Variants in GINS1 observed in about 807,000 individuals in gnomAD.
The protein encoded by GINS1 is GINS complex subunit 1.
Under a neutral mutation model 34.9 loss-of-function variants are expected in GINS1, and 26 were observed. The observed-to-expected ratio is 0.74, with a 90% CI of 0.55 to 1.03. The LOEUF (loss-of-function observed/expected upper bound fraction) is 1.03. GINS1 is among the 50% of genes least tolerant of loss of function. The pLI is 0.00. For synonymous variants in GINS1, 97 were observed against 84.4 expected (o/e 1.15, Z -0.82); for missense variants, 235 against 237.9 (o/e 0.99, Z 0.08).
chr20:25,420,940 G>A lies in GINS1; in HGVS notation c.330+2745G>A, dbSNP rs1378831930. The A allele has an allele frequency of 1.2e-5, 12 of 983,892 alleles. No homozygotes were observed. In the South Asian group the frequency reaches 1.9e-4, roughly 15 times the overall value. 60.9% of individuals were successfully genotyped at this position (983,892 alleles called of 1,614,324 possible). ...ACATCTCTGCTTGAGCAATTGCATC[G>A]TGGCAACTGCATCAGCCATTTTGGA... On this transcript the variant is annotated intron_variant, in intron 4 of 6. Transcript: ENST00000262460.
chr20:25,439,472 A>T (rs779304111), intron 5 of GINS1, among the ~76,000 whole-genome samples: 14 of 152,176 alleles, frequency 9.2e-5, no homozygotes, highest in Non-Finnish European at 1.8e-4. Context: ...CAGGTGTTCA[A>T]GCCTGCAGTG....
intron 4 of GINS1, among the ~76,000 whole-genome samples, chr20:25,423,964 T>A (rs2090375642): frequency 6.6e-6 from 1 of 152,126 alleles, no homozygotes; most frequent in African/African-American, 2.4e-5. Context: ...TACAAAGAGA[T>A]CTACAGTATT....
chr20:25,441,197 G>A (rs141150151), intron 5 of GINS1, among the ~76,000 whole-genome samples: 191 of 152,276 alleles, frequency 1.3e-3, no homozygotes, highest in African/African-American at 4.3e-3. Context: ...ATCCTGTCAC[G>A]TGAGGTGGCA....
intron 1 of GINS1, 23 bp downstream of exon 1, chr20:25,407,918 CG>C (rs1568794164): frequency 6.3e-7 from 1 of 1,579,836 alleles, no homozygotes; most frequent in East Asian, 2.2e-5. Flanking sequence ...TAGACTTGGA[CG>C]GGGCATGCCG....
At chr20:25,428,922 G>A (rs2090409390) in intron 5 of GINS1, among the ~76,000 whole-genome samples, 1 of 147,852 alleles carries the variant, frequency 6.8e-6, no homozygotes, top group Non-Finnish European at 1.5e-5. Context: ...TAGCTTTGCA[G>A]TAAGTTTAAA....
chr20:25,412,013 C>T (rs941699903), intron 1 of GINS1, among the ~76,000 whole-genome samples: 1 of 152,018 alleles, frequency 6.6e-6, no homozygotes, highest in African/African-American at 2.4e-5. Context: ...GAGGCTGAGG[C>T]AAGAGAATCA....
rs2090516545 is a variant in GINS1, at chr20:25,447,067, T to G, written c.*1076T>G. On this transcript the variant is annotated 3_prime_UTR_variant, in exon 7 of 7. Transcript: ENST00000262460. ...TTTGTTTCTTTGTTTTGAGATGGAG[T>G]CTTGTTCTGTCACCCAGGCTGGGGT... 6.6e-6 allele frequency: 1 copy of G among 151,762 alleles called. No individual in the cohort carries two copies. The highest frequency in any genetic ancestry group is 2.4e-5 in the African/African-American group (1 of 41,240). 9.4% of individuals were successfully genotyped at this position (151,762 alleles called of 1,614,324 possible). A position where few individuals can be genotyped will look rare whatever the true frequency, so the allele number is the denominator to read the frequency against.
intron 5 of GINS1, among the ~76,000 whole-genome samples, chr20:25,426,512 A>G (rs2090391827): frequency 6.6e-6 from 1 of 151,744 alleles, no homozygotes; most frequent in South Asian, 2.1e-4. Flanking sequence ...CTGAGATTGC[A>G]CCATTGCACA....
At chr20:25,434,288 G>T (rs2151144) in intron 5 of GINS1, among the ~76,000 whole-genome samples, 1 of 150,872 alleles carries the variant, frequency 6.6e-6, no homozygotes, top group Non-Finnish European at 1.5e-5. Flanking sequence ...ACACCTCCCC[G>T]CTGCCCAGAA....
At position 25,446,978 on chromosome 20, in the gene GINS1, T is replaced by C. The variant is rs2090515814; in HGVS notation, c.*987T>C. The C allele has an allele frequency of 1.3e-5, 2 of 152,274 alleles. No homozygotes were observed. The highest frequency in any genetic ancestry group is 2.4e-5 in the African/African-American group (1 of 41,558). 9.4% of individuals were successfully genotyped at this position (152,274 alleles called of 1,614,324 possible). A position where few individuals can be genotyped will look rare whatever the true frequency, so the allele number is the denominator to read the frequency against. ...TTCCTTTTTACTTCTAGAAGTGTTA[T>C]AATTTTAAGCTTTATACTTTGGTCT... On this transcript the variant is annotated 3_prime_UTR_variant, in exon 7 of 7. Coordinates refer to ENST00000262460, the MANE Select transcript of GINS1 (RefSeq NM_021067.5).
intron 5 of GINS1, among the ~76,000 whole-genome samples, chr20:25,441,319 T>A (rs1170605272): frequency 4.6e-5 from 7 of 152,210 alleles, no homozygotes; most frequent in Admixed American, 4.6e-4. Context: ...CTGTGTCCCA[T>A]TCTCAGATAC....
chr20:25,430,284 T>C (rs2049939282), intron 5 of GINS1, among the ~76,000 whole-genome samples: 1 of 152,246 alleles, frequency 6.6e-6, no homozygotes, highest in South Asian at 2.1e-4. Context: ...TATGTTGATG[T>C]ATAGTTATCT....
chr20:25,445,409 C>T (rs190318310), intron 6 of GINS1, among the ~76,000 whole-genome samples: 45 of 151,326 alleles, frequency 3.0e-4, no homozygotes, highest in Middle Eastern at 3.4e-3. Context: ...TGCAGTGGCA[C>T]GGTCTCGGCT....
chr20:25,427,677 G>T (rs936973251), intron 5 of GINS1, among the ~76,000 whole-genome samples: 2 of 152,076 alleles, frequency 1.3e-5, no homozygotes, highest in African/African-American at 4.8e-5. Context: ...TTTTGTTGTT[G>T]TGGAGATTTA....
chr20:25,423,314 A>G (rs994764345), intron 4 of GINS1, among the ~76,000 whole-genome samples: 1 of 151,042 alleles, frequency 6.6e-6, no homozygotes, highest in Non-Finnish European at 1.5e-5. Flanking sequence ...GGGTTTCACC[A>G]TGTTCACCAG....
intron 2 of GINS1, among the ~76,000 whole-genome samples, chr20:25,416,735 G>A (rs1381421700): frequency 6.6e-6 from 1 of 152,174 alleles, no homozygotes; most frequent in African/African-American, 2.4e-5. Flanking sequence ...GCGACATGAC[G>A]TAAGACCATA....
intron 2 of GINS1, among the ~76,000 whole-genome samples, chr20:25,416,155 G>A (rs550134301): frequency 4.3e-4 from 66 of 152,280 alleles, no homozygotes; most frequent in Middle Eastern, 3.4e-3. Context: ...GAGAGGTGGG[G>A]GAAGCTGGTC....
intron 5 of GINS1, among the ~76,000 whole-genome samples, chr20:25,435,370 C>G (rs560121803): frequency 6.6e-6 from 1 of 152,180 alleles, no homozygotes; most frequent in Non-Finnish European, 1.5e-5. Context: ...ACAATCATAG[C>G]TCACTGTAAT....
At chr20:25,419,192 G>C (rs567921666) in intron 4 of GINS1, among the ~76,000 whole-genome samples, 1 of 152,240 alleles carries the variant, frequency 6.6e-6, no homozygotes, top group Admixed American at 6.5e-5. Context: ...CACAGCATAG[G>C]ATGGCACTCA....
Sources: allele counts gnomAD v4.1 joint callset (sites outside exome capture counted in the v4.1 genomes callset), GRCh38; gene constraint gnomAD v4.1.1; transcripts MANE v1.5; gene names NCBI Gene and HGNC (gene_info 2026-07-23, HGNC 2026-07-21).